Variants in PPP2R1A observed in about 807,000 individuals in gnomAD.
The protein encoded by PPP2R1A is serine/threonine-protein phosphatase 2A 65 kDa regulatory subunit A alpha isoform.
PPP2R1A carries 15 observed loss-of-function variants against 67.1 expected under a neutral mutation model. The ratio of observed to expected loss-of-function variants is 0.22; its 90% confidence interval spans 0.15 to 0.34. The LOEUF (loss-of-function observed/expected upper bound fraction) is 0.34, where lower values mean the gene tolerates loss of function less well. Ranked by LOEUF, PPP2R1A falls within the 10% of genes least tolerant of loss-of-function variation. PPP2R1A has a pLI of 1.00. For missense variants in PPP2R1A, 369 were observed against 775.0 expected, an observed-to-expected ratio of 0.48 and a Z score of 6.22; for synonymous variants, 337 against 325.0, an observed-to-expected ratio of 1.04 and a Z score of -0.40.
chr19:52,194,717 A>G (rs1031342040), intron 1 of PPP2R1A, among the ~76,000 whole-genome samples: 1 of 152,180 alleles, frequency 6.6e-6, no homozygotes, highest in Non-Finnish European at 1.5e-5. Context: ...CCCCTGGAGC[A>G]GTACTTTCCC....
chr19:52,202,524 A>G (rs1177457781), intron 2 of PPP2R1A, among the ~76,000 whole-genome samples: 3 of 152,216 alleles, frequency 2.0e-5, no homozygotes, highest in Non-Finnish European at 4.4e-5. Flanking sequence ...CATCACTATC[A>G]TTTCACCCAG....
chr19:52,220,834 G>A, intron 11 of PPP2R1A, 145 bp from the exon 12 acceptor site: 3 of 903,132 alleles, frequency 3.3e-6, no homozygotes, highest in East Asian at 2.5e-5. Flanking sequence ...ATAGCACATA[G>A]TAAGTCCTTT....
chr19:52,225,009 A>AC (rs1979166130), intron 13 of PPP2R1A, among the ~76,000 whole-genome samples: 1 of 105,378 alleles, frequency 9.5e-6, no homozygotes, highest in South Asian at 2.9e-4. Context: ...CCTTGAGTTT[A>AC]CCTTTTTTTT....
Position 52,216,102 on chromosome 19 carries a change from A to C in PPP2R1A, c.993+28A>C, listed in dbSNP as rs370990363. ...AACAGAGAGTTTGATGGGAGGAACC[A>C]AGTGGATCCGAGCCTGCCAAAAAGA... On this transcript the variant is annotated intron_variant, in intron 8 of 14. Transcript: ENST00000322088. This position sits in a 1 kb window ranked among gnomAD's most constrained non-coding sequence, Gnocchi z 4.3. 6.3e-7 allele frequency: 1 copy of C among 1,596,592 alleles called. No individual in the cohort carries two copies. Among genetic ancestry groups the C allele is most frequent in the African/African-American group, 1.3e-5 (1 of 74,548 alleles).
intron 1 of PPP2R1A, among the ~76,000 whole-genome samples, chr19:52,197,011 T>G (rs1243940666): frequency 6.6e-6 from 1 of 152,200 alleles, no homozygotes; most frequent in Non-Finnish European, 1.5e-5. Flanking sequence ...AGGGGTCATG[T>G]GTACAGCTGA....
At chr19:52,201,891 C>G in intron 1 of PPP2R1A, 53 bp from the exon 2 acceptor site, 1 of 1,543,074 alleles carries the variant, frequency 6.5e-7, no homozygotes. Flanking sequence ...TCAGAACTCA[C>G]GCGTGTCTGG....
intron 9 of PPP2R1A, among the ~76,000 whole-genome samples, chr19:52,217,385 T>C (rs945622376): frequency 1.3e-5 from 2 of 152,164 alleles, no homozygotes; most frequent in South Asian, 4.1e-4. Context: ...ACATTTTCCA[T>C]AGAGACAAGA....
rs1468288521 is a variant in PPP2R1A, at chr19:52,213,034, T to C, written c.731T>C (p.Val244Ala). 3 of 1,611,974 alleles carry C rather than the reference T, an allele frequency of 1.9e-6. No individual in the cohort carries two copies. The highest frequency in any genetic ancestry group is 2.5e-6 in the Non-Finnish European group (3 of 1,179,570). Residue 244 changes from valine to alanine, a missense_variant, in exon 6 of 15, where the codon GTG becomes GCG. This residue lies in a region of PPP2R1A where 276 missense variants were observed against 508.4 expected (regional missense o/e 0.54). Coordinates refer to ENST00000322088, the MANE Select transcript of PPP2R1A (RefSeq NM_014225.6). The surrounding 1 kb of genome is among the most constrained non-coding windows in gnomAD (Gnocchi z 4.2). ...CCCCAGGAGGATCTGGAGGCCCTGGTGATGCCCACTCTGCGCCAGGCCGCT... is the reference window on the plus strand; with the variant it reads ...CCCCAGGAGGATCTGGAGGCCCTGGCGATGCCCACTCTGCGCCAGGCCGCT... ...LLPQEDLEAL[V>A]MPTLRQAAED...
At chr19:52,208,210 A>G (rs939889824) in intron 3 of PPP2R1A, among the ~76,000 whole-genome samples, 1 of 152,078 alleles carries the variant, frequency 6.6e-6, no homozygotes, top group Admixed American at 6.5e-5. Flanking sequence ...CTCTTGCTGC[A>G]CAGGCTGGAG....
chr19:52,218,225 T>A (rs556458786), intron 9 of PPP2R1A, among the ~76,000 whole-genome samples: 3 of 152,236 alleles, frequency 2.0e-5, no homozygotes, highest in African/African-American at 7.2e-5. Flanking sequence ...TTCTTCCCCA[T>A]CCCCTTCTTT....
In PPP2R1A at chr19:52,195,985, C is replaced by CT. The variant is rs779719916; in HGVS notation, c.78+5812dup. ...ATCCCAACCCTCTAATCATGCCTCTCTGTTTTCCATGACTATCTTTCCAGT... is the reference window on the plus strand; with the variant it reads ...ATCCCAACCCTCTAATCATGCCTCTCTTGTTTTCCATGACTATCTTTCCAGT... On this transcript the variant is annotated intron_variant, in intron 1 of 14. Transcript: ENST00000322088. 5.3e-4 allele frequency among the ~76,000 whole-genome samples: 81 copies of CT among 152,208 alleles called. 1 individual carries two copies. The highest frequency in any genetic ancestry group is 1.5e-4 in the Non-Finnish European group (10 of 68,028).
Position 52,226,879 on chromosome 19 carries a change from T to C in PPP2R1A, c.*898T>C, listed in dbSNP as rs956142935. On this transcript the variant is annotated 3_prime_UTR_variant, in exon 15 of 15. Coordinates refer to ENST00000322088, the MANE Select transcript of PPP2R1A (RefSeq NM_014225.6). ...TGTGTAACAGTTTCAACATGAGAAG[T>C]ACACAACATGAGAAGCAGAGTTAGC... 4 of 152,138 alleles carry C rather than the reference T, an allele frequency of 2.6e-5. No individual in the cohort carries two copies. Among genetic ancestry groups the C allele is most frequent in the African/African-American group, 9.7e-5 (4 of 41,404 alleles). The allele number at this position is 152,138 out of a possible 1,614,324, so 9.4% of individuals were successfully genotyped here.
intron 3 of PPP2R1A, 92 bp downstream of exon 3, chr19:52,206,155 G>A: frequency 8.7e-7 from 1 of 1,147,394 alleles, no homozygotes; most frequent in Non-Finnish European, 1.3e-6. Context: ...GTGTCAGAGA[G>A]CGTGGGGATC....
Position 52,216,685 on chromosome 19 carries a change from C to T in PPP2R1A, c.1128+22C>T, listed in dbSNP as rs758754201. ...TGAGGTAAGGGCACCAGGATCTCAG[C>T]TCTGGGTTTGTGGAGGGGACAGGCG... On this transcript the variant is annotated intron_variant, in intron 9 of 14. Coordinates refer to ENST00000322088, the MANE Select transcript of PPP2R1A (RefSeq NM_014225.6). The surrounding 1 kb of genome is among the most constrained non-coding windows in gnomAD (Gnocchi z 4.3). 5.6e-6 allele frequency: 9 copies of T among 1,614,008 alleles called. No homozygotes were observed. Among genetic ancestry groups the T allele is most frequent in the Non-Finnish European group, 7.6e-6 (9 of 1,180,028 alleles).
In PPP2R1A at chr19:52,226,035, A is replaced by G; in HGVS notation, c.*54A>G. 1 of 1,613,190 alleles carries G rather than the reference A, an allele frequency of 6.2e-7. No homozygotes were observed. The highest frequency in any genetic ancestry group is 8.5e-7 in the Non-Finnish European group (1 of 1,179,150). On this transcript the variant is annotated 3_prime_UTR_variant, in exon 15 of 15. Transcript: ENST00000322088. Reference sequence around the variant, plus strand: ...TGGTGTCCACCCTCCAACCCCCACAAGTCCCTCTTTGGGGAGACACTGGGG... The same window carrying G: ...TGGTGTCCACCCTCCAACCCCCACAGGTCCCTCTTTGGGGAGACACTGGGG...
intron 1 of PPP2R1A, among the ~76,000 whole-genome samples, chr19:52,190,726 A>AT (rs2089446090): frequency 6.6e-6 from 1 of 151,204 alleles, no homozygotes; most frequent in South Asian, 2.1e-4. Context: ...ACGCAAAAAC[A>AT]CCCCCCCACC....
intron 1 of PPP2R1A, among the ~76,000 whole-genome samples, chr19:52,196,245 A>G (rs772056015): frequency 1.2e-4 from 18 of 152,214 alleles, no homozygotes; most frequent in Admixed American, 3.3e-4. Flanking sequence ...TTCTGAAATG[A>G]TATTAATAGA....
intron 10 of PPP2R1A, 102 bp from the exon 11 acceptor site, chr19:52,220,087 G>A (rs1480825003): frequency 4.4e-6 from 6 of 1,355,126 alleles, no homozygotes; most frequent in East Asian, 2.3e-5. Flanking sequence ...AGAAGTGTCC[G>A]GTCTTTCTAG....
chr19:52,206,350 G>A (rs10423756), intron 3 of PPP2R1A, among the ~76,000 whole-genome samples: 2,131 of 152,252 alleles, frequency 0.014, 50 homozygotes, highest in African/African-American at 0.049. Flanking sequence ...GGGTTCTACT[G>A]CTTATTTGCT....
Sources: allele counts gnomAD v4.1 joint callset (sites outside exome capture counted in the v4.1 genomes callset), GRCh38; gene constraint gnomAD v4.1.1; regional missense constraint gnomAD v4.1.1; non-coding constraint Gnocchi (gnomAD v3.1); transcripts MANE v1.5; gene names NCBI Gene and HGNC (gene_info 2026-07-23, HGNC 2026-07-21).